CHD7: variants seen among roughly 807,000 people sequenced by gnomAD.
The protein encoded by CHD7 is chromodomain helicase DNA binding protein 7.
Under a neutral mutation model 307.3 loss-of-function variants are expected in CHD7, and 24 were observed. The observed-to-expected ratio is 0.08, with a 90% confidence interval of 0.06 to 0.11. The LOEUF (loss-of-function observed/expected upper bound fraction) is 0.11. CHD7 is among the 10% of genes least tolerant of loss of function. The pLI is 1.00. For missense variants in CHD7, 3,106 were observed against 3,727.1 expected (o/e 0.83, Z 4.34); for synonymous variants, 1,363 against 1,349.9 (o/e 1.01, Z -0.21).
chr8:60,842,022 T>C lies in CHD7; in HGVS notation c.4820T>C (p.Phe1607Ser). The C allele has an allele frequency of 6.2e-7, 1 of 1,613,772 alleles. No homozygotes were observed. Among genetic ancestry groups the C allele is most frequent in the Non-Finnish European group, 8.5e-7 (1 of 1,179,752 alleles). The change falls in exon 21 of 38, where the codon TTC (phenylalanine) becomes TCC (serine). Residue 1607 changes from phenylalanine (F) to serine (S), a missense_variant. By Grantham distance (155) the Phe-to-Ser change is radical (BLOSUM62 -2). Transcript: ENST00000423902. ...CAGGGCTATGCAAGGAGTGAATGTTTCAGGGTGGAGAAGAATCTGCTTGTC... is the reference window on the plus strand; with the variant it reads ...CAGGGCTATGCAAGGAGTGAATGTTCCAGGGTGGAGAAGAATCTGCTTGTC... ...KSQGYARSECFRVEKNLLVYG... is the reference protein window; with the variant it reads ...KSQGYARSECSRVEKNLLVYG...
intron 1 of CHD7, among the ~76,000 whole-genome samples, chr8:60,681,904 TAA>T (rs1805648526): frequency 6.6e-6 from 1 of 152,214 alleles, no homozygotes; most frequent in Admixed American, 6.5e-5. Flanking sequence ...ATTATAATTT[TAA>T]AAGACTGGTA....
At chr8:60,680,206 G>A (rs1805532084) in intron 1 of CHD7, among the ~76,000 whole-genome samples, 1 of 151,872 alleles carries the variant, frequency 6.6e-6, no homozygotes, top group East Asian at 1.9e-4. Context: ...GCGGCTTGGA[G>A]CGTGAACGGC....
chr8:60,680,553 G>T (rs1038157219), intron 1 of CHD7, among the ~76,000 whole-genome samples: 3 of 152,152 alleles, frequency 2.0e-5, no homozygotes, highest in African/African-American at 7.2e-5. Flanking sequence ...GCCCGGAGCC[G>T]TGGGAGCGCA....
chr8:60,819,905 T>C (rs1803945390), intron 8 of CHD7, 102 bp from the exon 9 acceptor site: 4 of 800,940 alleles, frequency 5.0e-6, no homozygotes, highest in Admixed American at 4.5e-5. Context: ...GTAAGTTTTA[T>C]ATTGCTGTGA....
chr8:60,785,733 G>A (rs932816588), intron 3 of CHD7, among the ~76,000 whole-genome samples: 1 of 152,064 alleles, frequency 6.6e-6, no homozygotes, highest in African/African-American at 2.4e-5. Context: ...TGCTAGTTTT[G>A]GTAGTAAGTA....
chr8:60,755,197 G>T (rs1350963156), intron 2 of CHD7, among the ~76,000 whole-genome samples: 1 of 152,046 alleles, frequency 6.6e-6, no homozygotes, highest in Non-Finnish European at 1.5e-5. Context: ...AGACACAAAA[G>T]AATTGAAAGG....
rs779024959 is a variant in CHD7, at chr8:60,741,727, G to A, written c.295G>A (p.Ala99Thr). Residue 99 changes from alanine to threonine, a missense_variant, in exon 2 of 38, where the codon GCG becomes ACG. By Grantham distance (58) the Ala-to-Thr change is moderately conservative. This residue lies in a region of CHD7 where 998 missense variants were observed against 1,004.5 expected (regional missense o/e 0.99). Coordinates refer to ENST00000423902, the MANE Select transcript of CHD7 (RefSeq NM_017780.4). ...MMSNTPGNGL[A>T]SPHSQYHTPP... ...GAGCAACACCCCTGGGAACGGACTC[G>A]CGTCTCCGCACTCGCAGTATCACAC... is the stretch of plus-strand genomic sequence containing the variant. 2.5e-5 allele frequency: 41 copies of A among 1,613,832 alleles called. 1 individual carries two copies. Among genetic ancestry groups the A allele is most frequent in the South Asian group, 1.6e-4 (15 of 91,056 alleles).
chr8:60,701,589 G>A (rs1229287326), intron 1 of CHD7, among the ~76,000 whole-genome samples: 1 of 152,146 alleles, frequency 6.6e-6, no homozygotes, highest in Non-Finnish European at 1.5e-5. Flanking sequence ...TTATGTAACT[G>A]TCTACCTTAT....
intron 2 of CHD7, among the ~76,000 whole-genome samples, chr8:60,778,105 A>AG (rs144776599): frequency 0.24 from 19,450 of 81,436 alleles, 1,596 homozygotes; most frequent in East Asian, 0.38. Flanking sequence ...TGGGGGGTGG[A>AG]GGGGGGGACA....
At chr8:60,723,323 A>T (rs1808001707) in intron 1 of CHD7, among the ~76,000 whole-genome samples, 1 of 152,214 alleles carries the variant, frequency 6.6e-6, no homozygotes, top group Non-Finnish European at 1.5e-5. Context: ...TTTGCCAAAT[A>T]CTCAAGTCTG....
rs375850262 is a variant in CHD7, at chr8:60,795,101, G to A, written c.2212G>A (p.Glu738Lys). The A allele has an allele frequency of 3.1e-6, 5 of 1,613,550 alleles. No homozygotes were observed. Among genetic ancestry groups the A allele is most frequent in the African/African-American group, 2.7e-5 (2 of 74,894 alleles). The change falls in exon 4 of 38, where the codon GAA becomes AAA. Residue 738 changes from glutamate to lysine, a missense_variant. Coordinates refer to ENST00000423902, the MANE Select transcript of CHD7 (RefSeq NM_017780.4). ...AACACCCCCACCATCTCCTCCTCCT[G>A]AAGAAGATGAGGACCCAGGTGTTCA... is the stretch of plus-strand genomic sequence containing the variant. Reference protein sequence around the residue: ...DKTPPPSPPPEEDEDPGVQKR... With the variant: ...DKTPPPSPPPKEDEDPGVQKR...
intron 7 of CHD7, 24 bp downstream of exon 7, chr8:60,808,296 T>G (rs1362060207): frequency 3.0e-6 from 4 of 1,336,486 alleles, no homozygotes; most frequent in African/African-American, 1.4e-5. Flanking sequence ...GATTCTGTTT[T>G]TAATGGGGGG....
chr8:60,781,228 A>ACTTGGG lies in CHD7; in HGVS notation c.1894_1895insCTTGGG (p.Asn632delinsThrTrpAsp), dbSNP rs781210512. On this transcript the variant is annotated protein_altering_variant, in exon 3 of 38. Coordinates refer to ENST00000423902, the MANE Select transcript of CHD7 (RefSeq NM_017780.4). ...GGTAGATAACCAAGAACTAAATAGG[A>ACTTGGG]ACTCACTGGATGGGTCCCAAGAAGA... The ACTTGGG allele has an allele frequency of 4.4e-6, 7 of 1,589,196 alleles. No homozygotes were observed. Among genetic ancestry groups the ACTTGGG allele is most frequent in the Non-Finnish European group, 6.0e-6 (7 of 1,167,306 alleles).
intron 4 of CHD7, among the ~76,000 whole-genome samples, chr8:60,798,979 T>G (rs2150705736): frequency 6.6e-6 from 1 of 152,362 alleles, no homozygotes; most frequent in East Asian, 1.9e-4. Context: ...TCTCCCCATC[T>G]TTATAGCTAT....
chr8:60,776,282 A>G (rs971446382), intron 2 of CHD7, among the ~76,000 whole-genome samples: 1 of 152,220 alleles, frequency 6.6e-6, no homozygotes, highest in African/African-American at 2.4e-5. Flanking sequence ...ACTGATTTTA[A>G]TCAAGCAGAA....
At chr8:60,782,270 G>A (rs1339349259) in intron 3 of CHD7, among the ~76,000 whole-genome samples, 5 of 152,030 alleles carry the variant, frequency 3.3e-5, no homozygotes, top group Admixed American at 6.6e-5. Flanking sequence ...TAGAAAACAC[G>A]CCCACCCCAT....
rs529009200 is a variant in CHD7, at chr8:60,839,614, A to G, written c.4533+1359A>G. ...CATATCCTCCCCAATACTTTTTATT[A>G]TCTGAGTTTTTAGTTTTAGCCATCC... On this transcript the variant is annotated intron_variant, in intron 19 of 37. Transcript: ENST00000423902. 1.2e-4 allele frequency among the ~76,000 whole-genome samples: 18 copies of G among 152,276 alleles called. No homozygotes were observed. The South Asian group carries it at 3.5e-3, about 30-fold the overall frequency.
intron 2 of CHD7, among the ~76,000 whole-genome samples, chr8:60,765,422 TAGTC>T (rs1171575173): frequency 5.9e-5 from 9 of 152,154 alleles, no homozygotes; most frequent in Non-Finnish European, 1.3e-4. Context: ...GACCTAATAA[TAGTC>T]AGACAACATG....
At chr8:60,788,308 T>G (rs769700509) in intron 3 of CHD7, among the ~76,000 whole-genome samples, 4 of 151,904 alleles carry the variant, frequency 2.6e-5, no homozygotes, top group Non-Finnish European at 4.4e-5. Context: ...TACAGAGACT[T>G]TTTTGTATTT....
Sources: allele counts gnomAD v4.1 joint callset (sites outside exome capture counted in the v4.1 genomes callset), GRCh38; gene constraint gnomAD v4.1.1; regional missense constraint gnomAD v4.1.1; transcripts MANE v1.5; gene names NCBI Gene and HGNC (gene_info 2026-07-23, HGNC 2026-07-21).